The following MYCBPAP variants were observed in gnomAD, a reference collection of about 807,000 sequenced individuals.
The protein encoded by MYCBPAP is MYCBP-associated protein.
In MYCBPAP, 60 loss-of-function variants were observed where a neutral mutation model predicts 106.1. The observed-to-expected ratio is 0.57, with a 90% CI of 0.46 to 0.70. The LOEUF is 0.70. Ranked by LOEUF, MYCBPAP falls within the 30% of genes least tolerant of loss-of-function variation. MYCBPAP has a pLI of 0.00. For missense variants in MYCBPAP, 1,064 were observed against 1,169.3 expected (o/e 0.91, Z 1.31); for synonymous variants, 407 against 440.6 (o/e 0.92, Z 0.95).
chr17:50,528,220 T>C lies in MYCBPAP; in HGVS notation c.2357T>C (p.Leu786Pro), dbSNP rs769086613. The C allele has an allele frequency of 1.2e-6, 2 of 1,614,180 alleles. No homozygotes were observed. Among genetic ancestry groups the C allele is most frequent in the South Asian group, 2.2e-5 (2 of 91,064 alleles). The part of the protein sequence containing the change: ...VGHSMWLRSV[L>P]GLPEKETIYL... Reference sequence around the variant, plus strand: ...CATTCCATGTGGCTGAGGTCTGTGCTGGGCCTGCCTGAGAAGGAGACCATC... The same window carrying C: ...CATTCCATGTGGCTGAGGTCTGTGCCGGGCCTGCCTGAGAAGGAGACCATC... Residue 786 changes from leucine to proline, a missense_variant, in exon 16 of 19, where the codon CTG becomes CCG. By Grantham distance (98) the Leu-to-Pro change is moderately conservative. Coordinates refer to ENST00000323776, the MANE Select transcript of MYCBPAP (RefSeq NM_032133.6).
At chr17:50,509,254 A>G in intron 1 of MYCBPAP, 1 of 675,410 alleles carries the variant, frequency 1.5e-6, no homozygotes, top group Non-Finnish European at 2.7e-6. Flanking sequence ...CCCAGAAGAA[A>G]GGCCTTGCTT....
intron 1 of MYCBPAP, chr17:50,510,473 A>ATGTGTGTGTGTG (rs1180380321): frequency 1.0e-5 from 1 of 96,296 alleles, no homozygotes; most frequent in African/African-American, 4.8e-5. Context: ...ATGTGTATAT[A>ATGTGTGTGTGTG]TGTGTGTGTG....
In MYCBPAP at chr17:50,528,679, C is replaced by A; in HGVS notation, c.2408-16C>A. On this transcript the variant is annotated splice_polypyrimidine_tract_variant and intron_variant, in intron 16 of 18. Coordinates refer to ENST00000323776, the MANE Select transcript of MYCBPAP (RefSeq NM_032133.6). ...GTTGGGGGCCTGCCATATTTTCTTC[C>A]ACCCACCTCCCTTAGATCAAAAATC... is the stretch of plus-strand genomic sequence containing the variant. 1 of 1,612,178 alleles carries A rather than the reference C, an allele frequency of 6.2e-7. No individual in the cohort carries two copies. Among genetic ancestry groups the A allele is most frequent in the Non-Finnish European group, 8.5e-7 (1 of 1,179,122 alleles).
chr17:50,526,381 C>T lies in MYCBPAP; in HGVS notation c.2169+114C>T, dbSNP rs964566601. ...GGCAAAGAAACAAAACCTGAGAGCC[C>T]AGAGAAAGTGATCTCTTGGGTTATC... On this transcript the variant is annotated intron_variant, in intron 14 of 18. Transcript: ENST00000323776. 9 of 954,504 alleles carry T rather than the reference C, an allele frequency of 9.4e-6. No individual in the cohort carries two copies. The African/African-American group carries it at 9.8e-5, about 10-fold the overall frequency. 59.1% of individuals were successfully genotyped at this position (954,504 alleles called of 1,614,324 possible).
chr17:50,510,506 T>TGTGTGC (rs1267037730), intron 1 of MYCBPAP: 2 of 99,178 alleles, frequency 2.0e-5, no homozygotes, highest in Admixed American at 1.0e-4. Context: ...TGTGTATATA[T>TGTGTGC]ATATATATAT....
At chr17:50,510,497 G>GTATATATATATATA (rs1270955072) in intron 1 of MYCBPAP, 18 of 89,494 alleles carry the variant, frequency 2.0e-4, no homozygotes, top group Non-Finnish European at 2.7e-4. Context: ...GTGTGTGTGT[G>GTATATATATATATA]TGTATATATA....
chr17:50,524,371 T>G (rs770683615), intron 12 of MYCBPAP, among the ~76,000 whole-genome samples: 1 of 152,212 alleles, frequency 6.6e-6, no homozygotes, highest in Non-Finnish European at 1.5e-5. Flanking sequence ...GGCCGGCTCC[T>G]TCATGTGGGG....
Position 50,511,663 on chromosome 17 carries a change from C to G in MYCBPAP, c.76+2913C>G, listed in dbSNP as rs895706302. Among the ~76,000 whole-genome samples, 3 of 152,156 alleles carry G rather than the reference C, an allele frequency of 2.0e-5. No homozygotes were observed. In the East Asian group the frequency reaches 5.8e-4, roughly 29 times the overall value. On this transcript the variant is annotated intron_variant, in intron 1 of 18. Coordinates refer to ENST00000323776, the MANE Select transcript of MYCBPAP (RefSeq NM_032133.6). ...CTACCCCGTGCAAGCGGGGTGGTCT[C>G]TTTTACCCCTCACTGTCAGCATCAA... is the stretch of plus-strand genomic sequence containing the variant.
chr17:50,522,195 C>T (rs983454173), intron 10 of MYCBPAP, 114 bp downstream of exon 10: 47 of 743,364 alleles, frequency 6.3e-5, no homozygotes, highest in Admixed American at 9.9e-5. Flanking sequence ...TTTATCTGGT[C>T]GTGCATTCAG....
At chr17:50,527,528 A>T in intron 15 of MYCBPAP, 120 bp downstream of exon 15, 7 of 1,329,972 alleles carry the variant, frequency 5.3e-6, no homozygotes, top group Non-Finnish European at 7.2e-6. Flanking sequence ...AGGTTGCTAG[A>T]GCATGCCGCA....
intron 8 of MYCBPAP, 33 bp from the exon 9 acceptor site, chr17:50,521,283 T>C (rs2034251510): frequency 6.3e-7 from 1 of 1,592,788 alleles, no homozygotes; most frequent in Non-Finnish European, 8.6e-7. Flanking sequence ...CTGTCTTCAG[T>C]CAGCTCATCT....
intron 1 of MYCBPAP, among the ~76,000 whole-genome samples, chr17:50,512,084 C>T (rs1164085762): frequency 5.0e-5 from 7 of 140,746 alleles, no homozygotes; most frequent in Non-Finnish European, 1.1e-4. Flanking sequence ...CGGAGTCTTG[C>T]TCTGTCGCCC....
At position 50,518,650 on chromosome 17, in the gene MYCBPAP, C is replaced by T. The variant is rs753546544; in HGVS notation, c.578C>T (p.Pro193Leu). ...KEEKRPPWAPPPQHNFLKNWQ... is the reference protein window; with the variant it reads ...KEEKRPPWAPLPQHNFLKNWQ... ...GAGAAGAGACCTCCCTGGGCCCCAC[C>T]TCCTCAGCACAACTTTCTGAAAAAC... Residue 193 changes from proline to leucine, a missense_variant, in exon 5 of 19, where the codon CCT becomes CTT. Pro to Leu is a moderately conservative substitution (Grantham distance 98). Transcript: ENST00000323776. 1.2e-6 allele frequency: 2 copies of T among 1,609,054 alleles called. No homozygotes were observed. The highest frequency in any genetic ancestry group is 1.7e-5 in the Admixed American group (1 of 58,532).
At position 50,528,148 on chromosome 17, in the gene MYCBPAP, C is replaced by T. The variant is rs369844169; in HGVS notation, c.2292-7C>T. ...ATGGCATTTCTCCACTGTGTCTTGC[C>T]CTCTAGTTTGCAGCTGTGGCGAGAT... On this transcript the variant is annotated splice_region_variant and splice_polypyrimidine_tract_variant and intron_variant, in intron 15 of 18. Transcript: ENST00000323776. 14 of 1,612,652 alleles carry T rather than the reference C, an allele frequency of 8.7e-6. No individual in the cohort carries two copies. In the African/African-American group the frequency reaches 1.7e-4, roughly 20 times the overall value.
At chr17:50,510,499 G>GTGTATGTGTGTGTATATATA (rs1418345705) in intron 1 of MYCBPAP, 1 of 76,414 alleles carries the variant, frequency 1.3e-5, no homozygotes, top group African/African-American at 4.6e-5. Context: ...GTGTGTGTGT[G>GTGTATGTGTGTGTATATATA]TATATATATA....
chr17:50,517,184 G>A (rs1184510519), intron 2 of MYCBPAP, 109 bp from the exon 3 acceptor site: 1 of 988,572 alleles, frequency 1.0e-6, no homozygotes, highest in Non-Finnish European at 1.6e-6. Flanking sequence ...TGAAGAAACA[G>A]ATCTGTCAGC....
At position 50,525,996 on chromosome 17, in the gene MYCBPAP, T is replaced by G; in HGVS notation, c.1898T>G (p.Ile633Arg). ...GGGGACAAGGAGCACGTCAGCCCCA[T>G]AGCCACAGAGAAGGCCTCTGTGAAT... ...RPGDKEHVSP[I>R]ATEKASVNAE... The change falls in exon 14 of 19, where the codon ATA becomes AGA. Residue 633 changes from isoleucine to arginine, a missense_variant. Physicochemically the swap from Ile to Arg is moderately conservative, Grantham distance 97. Coordinates refer to ENST00000323776, the MANE Select transcript of MYCBPAP (RefSeq NM_032133.6). 1 of 1,613,810 alleles carries G rather than the reference T, an allele frequency of 6.2e-7. No homozygotes were observed. The highest frequency in any genetic ancestry group is 8.5e-7 in the Non-Finnish European group (1 of 1,180,008).
intron 10 of MYCBPAP, chr17:50,522,709 A>AAAAAAAAAAAAAAAAAAATATAGATATAT: frequency 2.0e-5 from 1 of 50,016 alleles, no homozygotes. Context: ...AAAAAAAAAA[A>AAAAAAAAAAAAAAAAAAATATAGATATAT]ATATATATAT....
chr17:50,518,765 G>A, intron 5 of MYCBPAP, 41 bp downstream of exon 5: 1 of 1,551,734 alleles, frequency 6.4e-7, no homozygotes, highest in African/African-American at 1.4e-5. Flanking sequence ...CCTCCATCTG[G>A]CAGCAAGGCT....
Sources: gnomAD v4.1 joint callset for allele counts (sites outside exome capture counted in the v4.1 genomes callset) on GRCh38, gnomAD v4.1.1 for gene constraint, MANE v1.5 for transcripts, NCBI Gene and HGNC (gene_info 2026-07-23, HGNC 2026-07-21) for gene names.